VPS13D: variants seen among roughly 807,000 people sequenced by gnomAD.
VPS13D encodes intermembrane lipid transfer protein VPS13D.
In VPS13D, 187 loss-of-function variants were observed where a neutral mutation model predicts 461.9. The ratio of observed to expected loss-of-function variants is 0.40; its 90% CI spans 0.36 to 0.46. VPS13D has a LOEUF of 0.46. Among genes scored for constraint, VPS13D ranks in the 20% least tolerant of loss-of-function variants. The pLI, the probability that VPS13D is intolerant of heterozygous loss-of-function variation, is 0.60. For synonymous variants in VPS13D, 1,951 were observed against 1,986.3 expected (o/e 0.98, Z 0.47); for missense variants, 4,711 against 5,364.9 (o/e 0.88, Z 3.81).
chr1:12,354,219 T>C lies in VPS13D; in HGVS notation c.9677T>C (p.Leu3226Pro). 6.2e-7 allele frequency: 1 copy of C among 1,613,804 alleles called. No homozygotes were observed. The highest frequency in any genetic ancestry group is 8.5e-7 in the Non-Finnish European group (1 of 1,179,786). Reference sequence around the variant, plus strand: ...GCTGATACATCCCAGAACATTGAGCTGGGTAAGAATGTAGTCAGATGATCA... The same window carrying C: ...GCTGATACATCCCAGAACATTGAGCCGGGTAAGAATGTAGTCAGATGATCA... ...HTADTSQNIE[L>P]GVSLENFPLC... is the part of the protein sequence containing the mutation. Residue 3226 changes from leucine to proline, a missense_variant and splice_region_variant, in exon 47 of 70, where the codon CTG becomes CCG. Coordinates refer to ENST00000620676, the MANE Select transcript of VPS13D (RefSeq NM_015378.4).
At chr1:12,275,565 T>G (rs1641585678) in intron 18 of VPS13D, among the ~76,000 whole-genome samples, 1 of 152,148 alleles carries the variant, frequency 6.6e-6, no homozygotes, top group South Asian at 2.1e-4. Context: ...CAGCATTGGG[T>G]CAGCAGGTGG....
At chr1:12,401,492 A>G (rs959391665) in intron 61 of VPS13D, 116 bp from the exon 62 acceptor site, 1 of 652,638 alleles carries the variant, frequency 1.5e-6, no homozygotes, top group Non-Finnish European at 2.6e-6. Context: ...TTGGCATTAT[A>G]GTTATAAAGC....
At chr1:12,334,546 C>T (rs1643404537) in intron 38 of VPS13D, among the ~76,000 whole-genome samples, 1 of 152,192 alleles carries the variant, frequency 6.6e-6, no homozygotes. Context: ...ATGGGAAGCT[C>T]ATTTGAGGCC....
At chr1:12,410,762 TAAG>T (rs1644716132) in intron 63 of VPS13D, among the ~76,000 whole-genome samples, 1 of 152,210 alleles carries the variant, frequency 6.6e-6, no homozygotes, top group African/African-American at 2.4e-5. Flanking sequence ...CAGAAATATG[TAAG>T]AAGGCTAATA....
At chr1:12,246,496 T>TC (rs986998682) in intron 5 of VPS13D, among the ~76,000 whole-genome samples, 40 of 149,828 alleles carry the variant, frequency 2.7e-4, no homozygotes, top group African/African-American at 9.7e-4. Flanking sequence ...TATTTCAAAA[T>TC]CCCCCCCAAA....
At chr1:12,438,715 A>T (rs1172616429) in intron 65 of VPS13D, among the ~76,000 whole-genome samples, 2 of 152,198 alleles carry the variant, frequency 1.3e-5, no homozygotes, top group Admixed American at 6.5e-5. Context: ...GAGGAAGTTA[A>T]CAAGTGTTGG....
In VPS13D at chr1:12,261,511, A is replaced by G. The variant is rs553875571; in HGVS notation, c.1414+362A>G. On this transcript the variant is annotated intron_variant, in intron 12 of 69. Transcript: ENST00000620676. ...AACTAAAATTTAATTCGAATTGAAT[A>G]CAAGTAAAAATTTAGTTTCTTAATT... Among the ~76,000 whole-genome samples the G allele has an allele frequency of 3.3e-5, 5 of 152,364 alleles. No individual in the cohort carries two copies. The South Asian group carries it at 1.0e-3, about 32-fold the overall frequency.
At chr1:12,456,530 C>A (rs968194476) in intron 66 of VPS13D, among the ~76,000 whole-genome samples, 1 of 148,002 alleles carries the variant, frequency 6.8e-6, no homozygotes, top group Non-Finnish European at 1.5e-5. Context: ...CCCAGCTACT[C>A]GGGAGGCTGA....
At chr1:12,286,168 C>T (rs1641972433) in intron 21 of VPS13D, among the ~76,000 whole-genome samples, 1 of 152,026 alleles carries the variant, frequency 6.6e-6, no homozygotes, top group Non-Finnish European at 1.5e-5. Flanking sequence ...GCCTCTGCCT[C>T]CTGGGTTCGA....
rs768569730 is a variant in VPS13D, at chr1:12,276,842, A to G, written c.3254A>G (p.Gln1085Arg). ...GAGTCCCTTATTAAGTTGGAATATC[A>G]GTTTGTGAGTTCAGAGTGCCCATCG... The part of the protein sequence containing the change: ...EQESLIKLEY[Q>R]FVSSECPSMN... The change falls in exon 19 of 70, where the codon CAG becomes CGG. Residue 1085 changes from glutamine to arginine, a missense_variant. Coordinates refer to ENST00000620676, the MANE Select transcript of VPS13D (RefSeq NM_015378.4). This position sits in a 1 kb window ranked among gnomAD's most constrained non-coding sequence, Gnocchi z 4.5. 6.2e-7 allele frequency: 1 copy of G among 1,614,160 alleles called. No individual in the cohort carries two copies. The highest frequency in any genetic ancestry group is 8.5e-7 in the Non-Finnish European group (1 of 1,180,030).
chr1:12,276,710 A>G lies in VPS13D; in HGVS notation c.3122A>G (p.Gln1041Arg), dbSNP rs2101358556. 1 of 1,614,230 alleles carries G rather than the reference A, an allele frequency of 6.2e-7. No homozygotes were observed. The highest frequency in any genetic ancestry group is 8.5e-7 in the Non-Finnish European group (1 of 1,180,048). Reference protein sequence around the residue: ...PTGSLRDSRAQSPVSGPNVAH... With the variant: ...PTGSLRDSRARSPVSGPNVAH... ...GGAAGCCTTCGGGATAGCAGGGCCC[A>G]GTCTCCTGTCTCTGGACCGAATGTG... The change falls in exon 19 of 70, where the codon CAG (glutamine) becomes CGG (arginine). Residue 1041 changes from glutamine (Q) to arginine (R), a missense_variant. Physicochemically the swap from Gln to Arg is conservative, Grantham distance 43. Transcript: ENST00000620676. The surrounding 1 kb of genome is among the most constrained non-coding windows in gnomAD (Gnocchi z 4.5).
At chr1:12,352,683 G>A (rs2101596067) in intron 46 of VPS13D, among the ~76,000 whole-genome samples, 1 of 152,216 alleles carries the variant, frequency 6.6e-6, no homozygotes, top group South Asian at 2.1e-4. Flanking sequence ...GTTAAGTACT[G>A]GCCGGGCACA....
chr1:12,446,108 T>C (rs1645189262), intron 65 of VPS13D, among the ~76,000 whole-genome samples: 1 of 152,116 alleles, frequency 6.6e-6, no homozygotes, highest in Non-Finnish European at 1.5e-5. Context: ...CAGGGGTATT[T>C]TGAATAGCAG....
chr1:12,363,877 G>C (rs61000668), intron 52 of VPS13D, among the ~76,000 whole-genome samples: 28,173 of 147,618 alleles, frequency 0.19, 4,595 homozygotes, highest in African/African-American at 0.44. Context: ...CGCCTGAATC[G>C]GGGAGGCGGA....
chr1:12,240,954 T>C (rs1025114319), intron 2 of VPS13D, among the ~76,000 whole-genome samples: 1 of 152,120 alleles, frequency 6.6e-6, no homozygotes, highest in African/African-American at 2.4e-5. Flanking sequence ...CCTTTTTCTT[T>C]TTAGAGATGG....
chr1:12,258,667 C>T (rs1640999018), intron 10 of VPS13D, among the ~76,000 whole-genome samples: 1 of 152,182 alleles, frequency 6.6e-6, no homozygotes, highest in Non-Finnish European at 1.5e-5. Flanking sequence ...TGCCTGCTCT[C>T]TTTTGGGGGA....
chr1:12,489,174 T>C (rs566900301), intron 67 of VPS13D, among the ~76,000 whole-genome samples: 1 of 152,284 alleles, frequency 6.6e-6, no homozygotes, highest in Non-Finnish European at 1.5e-5. Context: ...GGCAGTTGAC[T>C]AAGAAAAAAA....
Position 12,509,156 on chromosome 1 carries a change from T to A in VPS13D, c.*132T>A. ...GAAGTTGTCAAGGAATGAGGGAAAG[T>A]AAATCCTCATGAGGAAAAGTACAAA... On this transcript the variant is annotated 3_prime_UTR_variant, in exon 70 of 70. Transcript: ENST00000620676. The A allele has an allele frequency of 9.2e-7, 1 of 1,088,060 alleles. No individual in the cohort carries two copies. Among genetic ancestry groups the A allele is most frequent in the Non-Finnish European group, 1.3e-6 (1 of 786,814 alleles). The allele number at this position is 1,088,060 out of a possible 1,614,324, so 67.4% of individuals were successfully genotyped here.
intron 60 of VPS13D, among the ~76,000 whole-genome samples, chr1:12,396,931 GTTTA>G (rs1430972488): frequency 6.6e-6 from 1 of 151,980 alleles, no homozygotes; most frequent in African/African-American, 2.4e-5. Flanking sequence ...TTGTTTGTTT[GTTTA>G]TTTGTTTGTT....
Sources: allele counts gnomAD v4.1 joint callset (sites outside exome capture counted in the v4.1 genomes callset), GRCh38; gene constraint gnomAD v4.1.1; non-coding constraint Gnocchi (gnomAD v3.1); transcripts MANE v1.5; gene names NCBI Gene and HGNC (gene_info 2026-07-23, HGNC 2026-07-21).